The following ARMH1 variants were observed in gnomAD, a reference collection of about 807,000 sequenced individuals.
ARMH1 encodes armadillo like helical domain containing 1.
ARMH1 carries 34 observed loss-of-function variants against 50.2 expected under a neutral mutation model. That is an observed-to-expected ratio of 0.68 (90% CI 0.51 to 0.90). ARMH1 has a LOEUF of 0.90. Among genes scored for constraint, ARMH1 ranks in the 40% least tolerant of loss-of-function variants. The pLI is 0.00. For missense variants in ARMH1, 538 were observed against 553.9 expected (o/e 0.97, Z 0.29); for synonymous variants, 221 against 224.2 (o/e 0.99, Z 0.13).
chr1:44,699,915 C>T (rs529898799), intron 4 of ARMH1, among the ~76,000 whole-genome samples: 125 of 151,808 alleles, frequency 8.2e-4, no homozygotes, highest in Non-Finnish European at 1.6e-3. Context: ...CTACAACCTC[C>T]ACCTCCCGGG....
At chr1:44,723,714 C>G (rs1647754732) in intron 6 of ARMH1, 1 of 168,008 alleles carries the variant, frequency 6.0e-6, no homozygotes, top group Admixed American at 6.4e-5. Flanking sequence ...CCTTCCTTCC[C>G]CTTTCTCATT....
chr1:44,721,604 A>G lies in ARMH1; in HGVS notation c.725-2518A>G, dbSNP rs557651037. Among the ~76,000 whole-genome samples, 14 of 152,262 alleles carry G rather than the reference A, an allele frequency of 9.2e-5. 1 individual carries two copies. In the South Asian group the frequency reaches 2.7e-3, roughly 29 times the overall value. On this transcript the variant is annotated intron_variant, in intron 6 of 11. Transcript: ENST00000535358. Reference sequence around the variant, plus strand: ...GTAGGCCGGGCACTACAAAAAGTACACAAAATTAGACAGGCTTATGAGGCT... The same window carrying G: ...GTAGGCCGGGCACTACAAAAAGTACGCAAAATTAGACAGGCTTATGAGGCT...
chr1:44,714,068 GA>G (rs1260388353), intron 6 of ARMH1, among the ~76,000 whole-genome samples: 1 of 151,560 alleles, frequency 6.6e-6, no homozygotes, highest in East Asian at 1.9e-4. Context: ...AGGAGATCTA[GA>G]CCATCTGGCT....
intron 6 of ARMH1, among the ~76,000 whole-genome samples, chr1:44,707,864 GTGAC>G (rs1253664489): frequency 6.6e-6 from 1 of 152,206 alleles, no homozygotes; most frequent in Non-Finnish European, 1.5e-5. Context: ...ACGTGACTCT[GTGAC>G]TGCATTTGGT....
chr1:44,701,258 C>G, intron 5 of ARMH1, 139 bp downstream of exon 5: 1 of 855,772 alleles, frequency 1.2e-6, no homozygotes, highest in Non-Finnish European at 1.8e-6. Context: ...ATCAGCGTTA[C>G]TTCCAGAAGG....
chr1:44,700,986 A>C lies in ARMH1; in HGVS notation c.506A>C (p.Gln169Pro), dbSNP rs1646057048. 6.4e-7 allele frequency: 1 copy of C among 1,551,582 alleles called. No individual in the cohort carries two copies. Among genetic ancestry groups the C allele is most frequent in the Admixed American group, 2.0e-5 (1 of 50,970 alleles). The change falls in exon 5 of 12, where the codon CAG becomes CCG. Residue 169 changes from glutamine (Q) to proline (P), a missense_variant. Physicochemically the swap from Gln to Pro is moderately conservative, Grantham distance 76. Transcript: ENST00000535358. ...TCAGAAGAGACCCAGGAGGAAGTGCAGGTTCTGTTGGATTCTTTGGTCCAC... is the reference window on the plus strand; with the variant it reads ...TCAGAAGAGACCCAGGAGGAAGTGCCGGTTCTGTTGGATTCTTTGGTCCAC... Reference protein sequence around the residue: ...SKSEETQEEVQVLLDSLVHGN... With the variant: ...SKSEETQEEVPVLLDSLVHGN...
chr1:44,725,123 C>A lies in ARMH1; in HGVS notation c.1129-13C>A, dbSNP rs1449257226. 4 of 1,551,838 alleles carry A rather than the reference C, an allele frequency of 2.6e-6. No homozygotes were observed. The highest frequency in any genetic ancestry group is 2.4e-5 in the East Asian group (1 of 40,924). ...TGGCACCCCAGCCGGGTCCCCCTTG[C>A]TCCTGTCCTCAGAGCAACGCTGAGG... On this transcript the variant is annotated splice_polypyrimidine_tract_variant and intron_variant, in intron 10 of 11. Transcript: ENST00000535358.
rs1358357039 is a variant in ARMH1 at position 44,681,350 on chromosome 1, C to A, written c.-23+6477C>A. Among the ~76,000 whole-genome samples, 1 of 152,062 alleles carries A rather than the reference C, an allele frequency of 6.6e-6. No homozygotes were observed. The highest frequency in any genetic ancestry group is 1.9e-4 in the East Asian group (1 of 5,164). On this transcript the variant is annotated intron_variant, in intron 1 of 11. Coordinates refer to ENST00000535358, the MANE Select transcript of ARMH1 (RefSeq NM_001145636.2). This position sits in a 1 kb window ranked among gnomAD's most constrained non-coding sequence, Gnocchi z 4.3. ...AGTTAGCCAGGCATGGTGGTGCACA[C>A]CCATAGTCCTAGCTACTCAGGAGGC...
At chr1:44,721,550 T>C (rs907406396) in intron 6 of ARMH1, among the ~76,000 whole-genome samples, 1 of 152,124 alleles carries the variant, frequency 6.6e-6, no homozygotes, top group Non-Finnish European at 1.5e-5. Flanking sequence ...GCTTCCTAAA[T>C]GTTTACAAGA....
rs893273483 is a variant in ARMH1, at chr1:44,724,154, G to C, written c.757G>C (p.Asp253His). The C allele has an allele frequency of 4.0e-5, 62 of 1,551,628 alleles. No homozygotes were observed. The highest frequency in any genetic ancestry group is 3.3e-4 in the Middle Eastern group (2 of 6,012). Reference sequence around the variant, plus strand: ...GTTGATCAAAGACCTGGTCGGTTACGATGTGCGCCAGGCGCTGCTCAAGGG... The same window carrying C: ...GTTGATCAAAGACCTGGTCGGTTACCATGTGCGCCAGGCGCTGCTCAAGGG... ...IELIKDLVGY[D>H]VRQALLKGLV... The change falls in exon 7 of 12, where the codon GAT becomes CAT. Residue 253 changes from aspartate (D) to histidine (H), a missense_variant. By Grantham distance (81) the Asp-to-His change is moderately conservative. Transcript: ENST00000535358. This position sits in a 1 kb window ranked among gnomAD's most constrained non-coding sequence, Gnocchi z 6.4.
chr1:44,687,656 T>G (rs944789482), intron 1 of ARMH1, among the ~76,000 whole-genome samples: 16 of 151,876 alleles, frequency 1.1e-4, no homozygotes, highest in African/African-American at 3.9e-4. Flanking sequence ...CCCCCAAGAG[T>G]AGGAACTCCT....
intron 6 of ARMH1, among the ~76,000 whole-genome samples, chr1:44,720,818 T>C (rs1647074633): frequency 6.6e-6 from 1 of 152,016 alleles, no homozygotes; most frequent in Admixed American, 6.6e-5. Context: ...GGTGGATCAC[T>C]TGAGGTCAGG....
chr1:44,676,616 A>G (rs1248966133), intron 1 of ARMH1, among the ~76,000 whole-genome samples: 1 of 152,246 alleles, frequency 6.6e-6, no homozygotes. Flanking sequence ...TGACTAATCA[A>G]GTAAAATAAG....
intron 2 of ARMH1, among the ~76,000 whole-genome samples, chr1:44,691,302 C>G (rs1645652008): frequency 6.6e-6 from 1 of 151,852 alleles, no homozygotes; most frequent in African/African-American, 2.4e-5. Context: ...GTTGAGTCTC[C>G]CTGTCTCCAC....
At chr1:44,679,691 CCTT>C (rs1433509426) in intron 1 of ARMH1, among the ~76,000 whole-genome samples, 1 of 152,220 alleles carries the variant, frequency 6.6e-6, no homozygotes, top group East Asian at 1.9e-4. Flanking sequence ...TTTGCACTGG[CCTT>C]CTTGGATGGA....
intron 6 of ARMH1, among the ~76,000 whole-genome samples, chr1:44,710,030 T>G (rs1283217174): frequency 6.6e-6 from 1 of 152,184 alleles, no homozygotes; most frequent in Non-Finnish European, 1.5e-5. Context: ...GTTGAAAGTA[T>G]GGTTCATCAG....
intron 1 of ARMH1, among the ~76,000 whole-genome samples, chr1:44,685,100 T>C (rs934346696): frequency 1.3e-5 from 2 of 151,722 alleles, no homozygotes; most frequent in Non-Finnish European, 2.9e-5. Context: ...CTAATAAATA[T>C]CCAAACACTG....
chr1:44,702,167 T>C (rs1004066669), intron 5 of ARMH1, among the ~76,000 whole-genome samples: 1 of 152,140 alleles, frequency 6.6e-6, no homozygotes, highest in African/African-American at 2.4e-5. Flanking sequence ...TTCCCAGTTA[T>C]TAAGTGCCTC....
chr1:44,719,262 GC>G (rs1646984563), intron 6 of ARMH1, among the ~76,000 whole-genome samples: 1 of 152,154 alleles, frequency 6.6e-6, no homozygotes, highest in Non-Finnish European at 1.5e-5. Context: ...TCAGGACCAG[GC>G]CCCCTCTAGT....
Sources: gnomAD v4.1 joint callset for allele counts (sites outside exome capture counted in the v4.1 genomes callset) on GRCh38, gnomAD v4.1.1 for gene constraint, Gnocchi (gnomAD v3.1) non-coding constraint, MANE v1.5 for transcripts, NCBI Gene and HGNC (gene_info 2026-07-23, HGNC 2026-07-21) for gene names.